The following FOXQ1 variants were observed in gnomAD, a reference collection of about 807,000 sequenced individuals.
FOXQ1 encodes forkhead box Q1.
FOXQ1 carries 1 observed loss-of-function variant against 0.6 expected under a neutral mutation model. That is an observed-to-expected ratio of 1.73 (90% CI 0.61 to 8.20). The LOEUF (loss-of-function observed/expected upper bound fraction) is 8.20. Among genes scored for constraint, FOXQ1 ranks in the 30% most tolerant of loss-of-function variants. The probability of loss-of-function intolerance (pLI) is 0.13; values close to 1 mark genes in which losing one functional copy is unlikely to be tolerated. For synonymous variants in FOXQ1, 377 were observed against 294.4 expected (o/e 1.28, Z -2.87); for missense variants, 734 against 595.6 (o/e 1.23, Z -2.42).
chr6:1,313,042 C>T lies in FOXQ1; in HGVS notation c.338C>T (p.Pro113Leu). The T allele has an allele frequency of 7.6e-6, 12 of 1,585,256 alleles. No individual in the cohort carries two copies. Among genetic ancestry groups the T allele is most frequent in the Non-Finnish European group, 1.0e-5 (12 of 1,166,410 alleles). ...AGCGGCGAGGGTGCACGCAGCAAGC[C>T]ATATACGCGGCGGCCCAAGCCCCCC... ...AGSGEGARSKPYTRRPKPPYS... is the reference protein window; with the variant it reads ...AGSGEGARSKLYTRRPKPPYS... The change falls in exon 1 of 1, where the codon CCA (proline) becomes CTA (leucine). Residue 113 changes from proline (P) to leucine (L), a missense_variant. Coordinates refer to ENST00000296839, the MANE Select transcript of FOXQ1 (RefSeq NM_033260.4). This position sits in a 1 kb window ranked among gnomAD's most constrained non-coding sequence, Gnocchi z 5.2.
chr6:1,312,782 C>T lies in FOXQ1; in HGVS notation c.78C>T (p.Ser26=), dbSNP rs1339276116. The change falls in exon 1 of 1, where the codon AGC becomes AGT. Residue 26 remains serine, a synonymous_variant. Coordinates refer to ENST00000296839, the MANE Select transcript of FOXQ1 (RefSeq NM_033260.4). ...QGSDLEGAGG[S]DAPSPLSAAG... is the part of the protein sequence containing the mutation. ...GTGACCTGGAGGGCGCGGGCGGCAG[C>T]GACGCGCCGTCCCCGCTGTCGGCGG... 11 of 1,308,574 alleles carry T rather than the reference C, an allele frequency of 8.4e-6. No homozygotes were observed. The African/African-American group carries it at 1.4e-4, about 17-fold the overall frequency. 81.1% of individuals were successfully genotyped at this position (1,308,574 alleles called of 1,614,324 possible).
rs1361577841 is a variant in FOXQ1, at chr6:1,312,844, C to T, written c.140C>T (p.Ala47Val). 3.9e-6 allele frequency: 5 copies of T among 1,282,200 alleles called. 1 individual carries two copies. In the South Asian group the frequency reaches 7.7e-5, roughly 20 times the overall value. 79.4% of individuals were successfully genotyped at this position (1,282,200 alleles called of 1,614,324 possible). ...TCCCTGGGCTCAGATGGGGACTGCG[C>T]GGCCAACAGCCCGGCCGCGGGCGGC... ...DDSLGSDGDC[A>V]ANSPAAGGGA... The change falls in exon 1 of 1, where the codon GCG becomes GTG. Residue 47 changes from alanine to valine, a missense_variant. Ala to Val is a moderately conservative substitution (Grantham distance 64, BLOSUM62 0). Coordinates refer to ENST00000296839, the MANE Select transcript of FOXQ1 (RefSeq NM_033260.4).
chr6:1,312,791 G>C lies in FOXQ1; in HGVS notation c.87G>C (p.Pro29=). Residue 29 remains proline (P), a synonymous_variant, in exon 1 of 1, where the codon CCG becomes CCC. Transcript: ENST00000296839. Reference sequence around the variant, plus strand: ...AGGGCGCGGGCGGCAGCGACGCGCCGTCCCCGCTGTCGGCGGCGGGAGACG... The same window carrying C: ...AGGGCGCGGGCGGCAGCGACGCGCCCTCCCCGCTGTCGGCGGCGGGAGACG... The part of the protein sequence containing the change: ...DLEGAGGSDA[P]SPLSAAGDDS... 7.7e-7 allele frequency: 1 copy of C among 1,304,582 alleles called. No homozygotes were observed. The allele number at this position is 1,304,582 out of a possible 1,614,324, so 80.8% of individuals were successfully genotyped here.
chr6:1,313,466 C>T lies in FOXQ1; in HGVS notation c.762C>T (p.Pro254=). Reference sequence around the variant, plus strand: ...CGGCCTCGCCCCGCATGCGCTCGCCCGCCCGCCAGGAGGAGCGCGCCAGCC... The same window carrying T: ...CGGCCTCGCCCCGCATGCGCTCGCCTGCCCGCCAGGAGGAGCGCGCCAGCC... ...AAPASPRMRS[P]ARQEERASPA... The change falls in exon 1 of 1, where the codon CCC becomes CCT. Residue 254 remains proline (P), a synonymous_variant. Coordinates refer to ENST00000296839, the MANE Select transcript of FOXQ1 (RefSeq NM_033260.4). The surrounding 1 kb of genome is among the most constrained non-coding windows in gnomAD (Gnocchi z 5.2). 1.8e-6 allele frequency: 2 copies of T among 1,084,490 alleles called. No individual in the cohort carries two copies. Among genetic ancestry groups the T allele is most frequent in the Non-Finnish European group, 2.2e-6 (2 of 891,746 alleles). The allele number at this position is 1,084,490 out of a possible 1,614,324, so 67.2% of individuals were successfully genotyped here.
Position 1,312,884 on chromosome 6 carries a change from G to T in FOXQ1, c.180G>T (p.Thr60=), listed in dbSNP as rs1192821113. Residue 60 remains threonine, a synonymous_variant, in exon 1 of 1, where the codon ACG becomes ACT. Transcript: ENST00000296839. ...SPAAGGGARD[T]QGDGEQSAGG... ...CCGCGGGCGGCGGCGCCAGAGATAC[G>T]CAGGGCGACGGCGAACAGAGTGCGG... 7.8e-7 allele frequency: 1 copy of T among 1,277,666 alleles called. No individual in the cohort carries two copies. The highest frequency in any genetic ancestry group is 3.1e-5 in the East Asian group (1 of 32,110). 79.1% of individuals were successfully genotyped at this position (1,277,666 alleles called of 1,614,324 possible).
chr6:1,313,571 G>A lies in FOXQ1; in HGVS notation c.867G>A (p.Thr289=). Residue 289 remains threonine (T), a synonymous_variant, in exon 1 of 1, where the codon ACG becomes ACA. Transcript: ENST00000296839. This position sits in a 1 kb window ranked among gnomAD's most constrained non-coding sequence, Gnocchi z 5.2. ...KPFRSRRLRD[T]APGTTLQWGA... is the part of the protein sequence containing the mutation. ...TCCGCAGCCGCCGCCTCAGGGACAC[G>A]GCCCCCGGGACGACGCTTCAGTGGG... The A allele has an allele frequency of 2.4e-6, 3 of 1,225,698 alleles. No individual in the cohort carries two copies. The highest frequency in any genetic ancestry group is 1.7e-5 in the South Asian group (1 of 57,324). The allele number at this position is 1,225,698 out of a possible 1,614,324, so 75.9% of individuals were successfully genotyped here.
chr6:1,313,582 C>G lies in FOXQ1; in HGVS notation c.878C>G (p.Thr293Arg). 8.3e-7 allele frequency: 1 copy of G among 1,197,744 alleles called. No individual in the cohort carries two copies. The highest frequency in any genetic ancestry group is 1.1e-6 in the Non-Finnish European group (1 of 952,066). 74.2% of individuals were successfully genotyped at this position (1,197,744 alleles called of 1,614,324 possible). A position where few individuals can be genotyped will look rare whatever the true frequency, so the allele number is the denominator to read the frequency against. ...SRRLRDTAPG[T>R]TLQWGAAPCP... The stretch of plus-strand genomic sequence containing the variant: ...CGCCTCAGGGACACGGCCCCCGGGA[C>G]GACGCTTCAGTGGGGCGCCGCGCCC... The change falls in exon 1 of 1, where the codon ACG becomes AGG. Residue 293 changes from threonine (T) to arginine (R), a missense_variant. Transcript: ENST00000296839. This position sits in a 1 kb window ranked among gnomAD's most constrained non-coding sequence, Gnocchi z 5.2.
At position 1,313,369 on chromosome 6, in the gene FOXQ1, T is replaced by A; in HGVS notation, c.665T>A (p.Val222Asp). 2 of 1,476,224 alleles carry A rather than the reference T, an allele frequency of 1.4e-6. No homozygotes were observed. The highest frequency in any genetic ancestry group is 2.5e-5 in the South Asian group (2 of 80,668). 91.4% of individuals were successfully genotyped at this position (1,476,224 alleles called of 1,614,324 possible). A position where few individuals can be genotyped will look rare whatever the true frequency, so the allele number is the denominator to read the frequency against. Residue 222 changes from valine to aspartate, a missense_variant, in exon 1 of 1, where the codon GTC becomes GAC. Transcript: ENST00000296839. This position sits in a 1 kb window ranked among gnomAD's most constrained non-coding sequence, Gnocchi z 5.2. Reference sequence around the variant, plus strand: ...AAGCGCCTCAGCCACCGCGCGCCGGTCCCCGCGCCCGGGCTGCGGCCCGAG... The same window carrying A: ...AAGCGCCTCAGCCACCGCGCGCCGGACCCCGCGCCCGGGCTGCGGCCCGAG... ...RRKRLSHRAPVPAPGLRPEEA... is the reference protein window; with the variant it reads ...RRKRLSHRAPDPAPGLRPEEA...
In FOXQ1 at chr6:1,312,915, G is replaced by A. The variant is rs1179091817; in HGVS notation, c.211G>A (p.Gly71Arg). 5 of 1,277,186 alleles carry A rather than the reference G, an allele frequency of 3.9e-6. No individual in the cohort carries two copies. Among genetic ancestry groups the A allele is most frequent in the South Asian group, 5.9e-5 (2 of 33,800 alleles). The allele number at this position is 1,277,186 out of a possible 1,614,324, so 79.1% of individuals were successfully genotyped here. A position where few individuals can be genotyped will look rare whatever the true frequency, so the allele number is the denominator to read the frequency against. The change falls in exon 1 of 1, where the codon GGG becomes AGG. Residue 71 changes from glycine (G) to arginine (R), a missense_variant. Physicochemically the swap from Gly to Arg is moderately radical, Grantham distance 125 (BLOSUM62 -2). Transcript: ENST00000296839. ...CGACGGCGAACAGAGTGCGGGAGGC[G>A]GGCCGGGCGCGGAGGAGGCGATCCC... The part of the protein sequence containing the change: ...QGDGEQSAGG[G>R]PGAEEAIPAA...
chr6:1,313,591 A>G lies in FOXQ1; in HGVS notation c.887A>G (p.Gln296Arg). 8.6e-7 allele frequency: 1 copy of G among 1,162,064 alleles called. No individual in the cohort carries two copies. The highest frequency in any genetic ancestry group is 1.1e-6 in the Non-Finnish European group (1 of 933,348). The allele number at this position is 1,162,064 out of a possible 1,614,324, so 72.0% of individuals were successfully genotyped here. Residue 296 changes from glutamine to arginine, a missense_variant, in exon 1 of 1, where the codon CAG (glutamine) becomes CGG (arginine). Gln to Arg is a conservative substitution (Grantham distance 43). Transcript: ENST00000296839. This position sits in a 1 kb window ranked among gnomAD's most constrained non-coding sequence, Gnocchi z 5.2. ...LRDTAPGTTL[Q>R]WGAAPCPPLP... ...GACACGGCCCCCGGGACGACGCTTC[A>G]GTGGGGCGCCGCGCCCTGCCCGCCG...
chr6:1,313,061 G>GC lies in FOXQ1; in HGVS notation c.363dup (p.Tyr122LeufsTer327). 6.3e-7 allele frequency: 1 copy of GC among 1,599,108 alleles called. No homozygotes were observed. On this transcript the variant is annotated frameshift_variant, in exon 1 of 1. Transcript: ENST00000296839. LOFTEE classifies it low-confidence loss of function (END_TRUNC). This position sits in a 1 kb window ranked among gnomAD's most constrained non-coding sequence, Gnocchi z 5.2. ...GCAAGCCATATACGCGGCGGCCCAA[G>GC]CCCCCCTACTCGTACATCGCGCTCA...
rs769852896 is a variant in FOXQ1, at chr6:1,313,065, C to T, written c.361C>T (p.Pro121Ser). 14 of 1,603,626 alleles carry T rather than the reference C, an allele frequency of 8.7e-6. No homozygotes were observed. Among genetic ancestry groups the T allele is most frequent in the African/African-American group, 2.7e-5 (2 of 73,948 alleles). Residue 121 changes from proline to serine, a missense_variant, in exon 1 of 1, where the codon CCC becomes TCC. Transcript: ENST00000296839. The surrounding 1 kb of genome is among the most constrained non-coding windows in gnomAD (Gnocchi z 5.2). ...GCCATATACGCGGCGGCCCAAGCCC[C>T]CCTACTCGTACATCGCGCTCATCGC... The part of the protein sequence containing the change: ...SKPYTRRPKP[P>S]YSYIALIAMA...
In FOXQ1 at chr6:1,312,863, G is replaced by T; in HGVS notation, c.159G>T (p.Ala53=). The T allele has an allele frequency of 1.6e-6, 2 of 1,276,478 alleles. No individual in the cohort carries two copies. The allele number at this position is 1,276,478 out of a possible 1,614,324, so 79.1% of individuals were successfully genotyped here. A position where few individuals can be genotyped will look rare whatever the true frequency, so the allele number is the denominator to read the frequency against. ...DGDCAANSPA[A]GGGARDTQGD... ...ACTGCGCGGCCAACAGCCCGGCCGC[G>T]GGCGGCGGCGCCAGAGATACGCAGG... Residue 53 remains alanine (A), a synonymous_variant, in exon 1 of 1, where the codon GCG becomes GCT. Transcript: ENST00000296839.
In FOXQ1 at chr6:1,313,052, G is replaced by A; in HGVS notation, c.348G>A (p.Arg116=). The A allele has an allele frequency of 6.3e-7, 1 of 1,591,296 alleles. No homozygotes were observed. The highest frequency in any genetic ancestry group is 1.1e-5 in the South Asian group (1 of 89,416). The change falls in exon 1 of 1, where the codon CGG becomes CGA. Residue 116 remains arginine (R), a synonymous_variant. Transcript: ENST00000296839. This position sits in a 1 kb window ranked among gnomAD's most constrained non-coding sequence, Gnocchi z 5.2. ...GTGCACGCAGCAAGCCATATACGCG[G>A]CGGCCCAAGCCCCCCTACTCGTACA... The part of the protein sequence containing the change: ...GEGARSKPYT[R]RPKPPYSYIA...
chr6:1,313,003 C>G lies in FOXQ1; in HGVS notation c.299C>G (p.Ala100Gly). ...GAGGCCGGGGCGGCGGGGCCAGGCG[C>G]GGGCGGCGCGGGGAGCGGCGAGGGT... The part of the protein sequence containing the change: ...GAEAGAAGPG[A>G]GGAGSGEGAR... Residue 100 changes from alanine (A) to glycine (G), a missense_variant, in exon 1 of 1, where the codon GCG (alanine) becomes GGG (glycine). Physicochemically the swap from Ala to Gly is moderately conservative, Grantham distance 60. Transcript: ENST00000296839. This position sits in a 1 kb window ranked among gnomAD's most constrained non-coding sequence, Gnocchi z 5.2. 1 of 1,369,536 alleles carries G rather than the reference C, an allele frequency of 7.3e-7. No individual in the cohort carries two copies. Among genetic ancestry groups the G allele is most frequent in the Admixed American group, 3.3e-5 (1 of 30,658 alleles). 84.8% of individuals were successfully genotyped at this position (1,369,536 alleles called of 1,614,324 possible). A position where few individuals can be genotyped will look rare whatever the true frequency, so the allele number is the denominator to read the frequency against.
chr6:1,312,345 ATGCTGCTTCTCTCCGGCAGGAAAGCCT>A lies in FOXQ1; in HGVS notation c.-358_-332del. On this transcript the variant is annotated 5_prime_UTR_variant, in exon 1 of 1. The change abolishes an upstream ATG in the 5' untranslated region. Transcript: ENST00000296839. ...GCTCTTTAACGAGCAGCAGATGCGCATGCTGCTTCTCTCCGGCAGGAAAGCCTTCTAAGCCCGGCGTGCTCGGGCACC... is the reference window on the plus strand; with the variant it reads ...GCTCTTTAACGAGCAGCAGATGCGCATCTAAGCCCGGCGTGCTCGGGCACC... 1 of 202,646 alleles carries A rather than the reference ATGCTGCTTCTCTCCGGCAGGAAAGCCT, an allele frequency of 4.9e-6. No homozygotes were observed. Among genetic ancestry groups the A allele is most frequent in the Non-Finnish European group, 9.9e-6 (1 of 100,920 alleles). The allele number at this position is 202,646 out of a possible 1,614,324, so 12.6% of individuals were successfully genotyped here. A position where few individuals can be genotyped will look rare whatever the true frequency, so the allele number is the denominator to read the frequency against.
chr6:1,312,786 G>A lies in FOXQ1; in HGVS notation c.82G>A (p.Ala28Thr). 1 of 1,308,160 alleles carries A rather than the reference G, an allele frequency of 7.6e-7. No individual in the cohort carries two copies. The highest frequency in any genetic ancestry group is 9.7e-7 in the Non-Finnish European group (1 of 1,030,420). 81.0% of individuals were successfully genotyped at this position (1,308,160 alleles called of 1,614,324 possible). ...SDLEGAGGSDAPSPLSAAGDD... is the reference protein window; with the variant it reads ...SDLEGAGGSDTPSPLSAAGDD... ...CCTGGAGGGCGCGGGCGGCAGCGAC[G>A]CGCCGTCCCCGCTGTCGGCGGCGGG... is the stretch of plus-strand genomic sequence containing the variant. The change falls in exon 1 of 1, where the codon GCG becomes ACG. Residue 28 changes from alanine to threonine, a missense_variant. Transcript: ENST00000296839.
chr6:1,312,601 G>A lies in FOXQ1; in HGVS notation c.-104G>A, dbSNP rs531143525. 275 of 1,250,006 alleles carry A rather than the reference G, an allele frequency of 2.2e-4. 1 individual carries two copies. In the South Asian group the frequency reaches 3.4e-3, roughly 15 times the overall value. 77.4% of individuals were successfully genotyped at this position (1,250,006 alleles called of 1,614,324 possible). A position where few individuals can be genotyped will look rare whatever the true frequency, so the allele number is the denominator to read the frequency against. On this transcript the variant is annotated 5_prime_UTR_variant, in exon 1 of 1. Transcript: ENST00000296839. ...GGTAGAGCTCCCGGGAGAAAAAGGC[G>A]AAGATCCCCGGCCCCGGATCGCCAT...
In FOXQ1 at chr6:1,313,085, C is replaced by A; in HGVS notation, c.381C>A (p.Leu127=). Residue 127 remains leucine, a synonymous_variant, in exon 1 of 1, where the codon CTC becomes CTA. Coordinates refer to ENST00000296839, the MANE Select transcript of FOXQ1 (RefSeq NM_033260.4). This position sits in a 1 kb window ranked among gnomAD's most constrained non-coding sequence, Gnocchi z 5.2. ...RPKPPYSYIA[L]IAMAIRDSAG... ...AGCCCCCCTACTCGTACATCGCGCTCATCGCCATGGCCATCCGCGACTCGG... is the reference window on the plus strand; with the variant it reads ...AGCCCCCCTACTCGTACATCGCGCTAATCGCCATGGCCATCCGCGACTCGG... 6.2e-7 allele frequency: 1 copy of A among 1,605,812 alleles called. No individual in the cohort carries two copies. Among genetic ancestry groups the A allele is most frequent in the Non-Finnish European group, 8.5e-7 (1 of 1,176,404 alleles).
Sources: allele counts gnomAD v4.1 joint callset, GRCh38; gene constraint gnomAD v4.1.1; non-coding constraint Gnocchi (gnomAD v3.1); transcripts MANE v1.5; gene names NCBI Gene and HGNC (gene_info 2026-07-23, HGNC 2026-07-21).